The following TPTE variants were observed in gnomAD, a reference collection of about 807,000 sequenced individuals.
The protein encoded by TPTE is transmembrane phosphatase with tensin homology, also known as putative tyrosine-protein phosphatase TPTE.
TPTE carries 59 observed loss-of-function variants against 84.1 expected under a neutral mutation model. The observed-to-expected ratio is 0.70, with a 90% CI of 0.57 to 0.87. The LOEUF (loss-of-function observed/expected upper bound fraction) is 0.87, where lower values mean the gene tolerates loss of function less well. Among genes scored for constraint, TPTE ranks in the 40% least tolerant of loss-of-function variants. The pLI is 0.00. For synonymous variants in TPTE, 130 were observed against 223.5 expected (o/e 0.58, Z 3.73); for missense variants, 382 against 659.6 (o/e 0.58, Z 4.61).
chr21:10,553,344 C>T (rs1004802082), intron 8 of TPTE, among the ~76,000 whole-genome samples: 1 of 152,308 alleles, frequency 6.6e-6, no homozygotes, highest in African/African-American at 2.4e-5. Flanking sequence ...AACCATTCAC[C>T]AGCTTGTGTC....
intron 22 of TPTE, among the ~76,000 whole-genome samples, chr21:10,603,319 T>C (rs1978814984): frequency 6.6e-6 from 1 of 152,312 alleles, no homozygotes; most frequent in Admixed American, 6.5e-5. Context: ...ATTAAATACC[T>C]ATCATGGGAA....
chr21:10,596,774 A>G (rs567092236), intron 20 of TPTE, among the ~76,000 whole-genome samples: 48 of 152,350 alleles, frequency 3.2e-4, no homozygotes, highest in African/African-American at 1.2e-3. Context: ...TATAGGTGCC[A>G]TGGGGCCAGG....
intron 12 of TPTE, 61 bp from the exon 13 acceptor site, chr21:10,569,622 A>G (rs914648294): frequency 3.7e-6 from 6 of 1,613,802 alleles, no homozygotes; most frequent in African/African-American, 1.3e-5. Flanking sequence ...ATACTGTATA[A>G]TGTTTTTTAT....
chr21:10,595,414 G>T (rs1453731146), intron 19 of TPTE, among the ~76,000 whole-genome samples: 1 of 152,304 alleles, frequency 6.6e-6, no homozygotes, highest in African/African-American at 2.4e-5. Flanking sequence ...TCAGGGGAGA[G>T]CTGTTGTGAA....
At chr21:10,565,681 G>A (rs2074905828) in intron 10 of TPTE, among the ~76,000 whole-genome samples, 1 of 152,308 alleles carries the variant, frequency 6.6e-6, no homozygotes, top group Non-Finnish European at 1.5e-5. Flanking sequence ...GAATAGAATA[G>A]AGAACCCAGA....
At chr21:10,571,241 C>T (rs532624152) in intron 14 of TPTE, among the ~76,000 whole-genome samples, 247 of 152,038 alleles carry the variant, frequency 1.6e-3, no homozygotes, top group Non-Finnish European at 1.7e-3. Context: ...CACTCACAGA[C>T]ACCACTGAAT....
intron 17 of TPTE, among the ~76,000 whole-genome samples, chr21:10,582,218 G>T (rs1600949721): frequency 6.6e-6 from 1 of 152,240 alleles, no homozygotes; most frequent in African/African-American, 2.4e-5. Flanking sequence ...ATTGGAAGTT[G>T]GGGGAAGTGT....
chr21:10,545,848 T>C (rs1312281580), intron 7 of TPTE, among the ~76,000 whole-genome samples: 6 of 151,914 alleles, frequency 3.9e-5, no homozygotes, highest in East Asian at 1.9e-4. Flanking sequence ...TATATAGATA[T>C]ATTCTTTAGC....
At chr21:10,565,515 T>G (rs1204546336) in intron 10 of TPTE, among the ~76,000 whole-genome samples, 1 of 152,304 alleles carries the variant, frequency 6.6e-6, no homozygotes, top group Non-Finnish European at 1.5e-5. Context: ...ATCTTAAAAT[T>G]TATATGGAGC....
At chr21:10,570,663 G>C in intron 14 of TPTE, 114 bp downstream of exon 14, 1 of 1,580,540 alleles carries the variant, frequency 6.3e-7, no homozygotes, top group Non-Finnish European at 8.6e-7. Flanking sequence ...ACTCTTTCAA[G>C]GAAAAAAAAT....
At chr21:10,523,049 A>G (rs945083589) in intron 1 of TPTE, among the ~76,000 whole-genome samples, 1 of 152,312 alleles carries the variant, frequency 6.6e-6, no homozygotes, top group Non-Finnish European at 1.5e-5. Flanking sequence ...CTAAGCAAAC[A>G]TAGTTATTCA....
chr21:10,565,746 G>A (rs210528), intron 10 of TPTE, among the ~76,000 whole-genome samples: 31,772 of 144,820 alleles, frequency 0.22, 66 homozygotes, highest in African/African-American at 0.47. Flanking sequence ...TGCCAAGAAC[G>A]TACATTGAAC....
chr21:10,589,935 TC>T (rs1478168677), intron 17 of TPTE, among the ~76,000 whole-genome samples: 1 of 152,312 alleles, frequency 6.6e-6, no homozygotes, highest in East Asian at 1.9e-4. Context: ...TAATCTGCCA[TC>T]TTGGAAAAAA....
intron 14 of TPTE, among the ~76,000 whole-genome samples, chr21:10,576,875 A>ATATG (rs1600938543): frequency 7.0e-6 from 1 of 143,480 alleles, no homozygotes; most frequent in Non-Finnish European, 1.5e-5. Flanking sequence ...ATATATATAT[A>ATATG]TAGACACACA....
At chr21:10,534,979 A>T (rs974660188) in intron 3 of TPTE, among the ~76,000 whole-genome samples, 12 of 152,304 alleles carry the variant, frequency 7.9e-5, no homozygotes, top group Admixed American at 7.2e-4. Flanking sequence ...AAAATTAATG[A>T]TCTCATAGTC....
chr21:10,541,803 G>T (rs1287064192), intron 5 of TPTE, among the ~76,000 whole-genome samples: 1 of 152,308 alleles, frequency 6.6e-6, no homozygotes, highest in Non-Finnish European at 1.5e-5. Flanking sequence ...TGTTTGGAGT[G>T]AGGAGGAGGT....
intron 3 of TPTE, among the ~76,000 whole-genome samples, chr21:10,534,759 C>T (rs1422457660): frequency 1.3e-5 from 2 of 152,302 alleles, no homozygotes; most frequent in African/African-American, 2.4e-5. Context: ...GTAGTTTCAG[C>T]TTCTGTATGT....
chr21:10,533,507 G>A (rs1844309), intron 3 of TPTE, among the ~76,000 whole-genome samples: 1 of 152,428 alleles, frequency 6.6e-6, no homozygotes, highest in African/African-American at 2.4e-5. Context: ...TGTGAACTCA[G>A]ATTTTTTGTG....
intron 14 of TPTE, among the ~76,000 whole-genome samples, chr21:10,573,739 C>G (rs1380948396): frequency 1.3e-5 from 2 of 152,308 alleles, no homozygotes; most frequent in African/African-American, 2.4e-5. Flanking sequence ...ATGAAGGAAA[C>G]AGATTTTTTA....
Sources: gnomAD v4.1 joint callset for allele counts (sites outside exome capture counted in the v4.1 genomes callset) on GRCh38, gnomAD v4.1.1 for gene constraint, MANE v1.5 for transcripts, NCBI Gene and HGNC (gene_info 2026-07-23, HGNC 2026-07-21) for gene names.